The following TMEM117 variants were observed in gnomAD, a reference collection of about 807,000 sequenced individuals.
TMEM117 encodes transmembrane protein 117.
A neutral mutation model predicts 52.4 loss-of-function variants in TMEM117; 27 were observed. The ratio of observed to expected loss-of-function variants is 0.51; its 90% confidence interval spans 0.38 to 0.71. TMEM117 has a LOEUF of 0.71. Ranked by LOEUF, TMEM117 falls within the 30% of genes least tolerant of loss-of-function variation. TMEM117 has a pLI of 0.00. For synonymous variants in TMEM117, 215 were observed against 206.3 expected (o/e 1.04, Z -0.36); for missense variants, 556 against 630.5 (o/e 0.88, Z 1.26).
intron 3 of TMEM117, among the ~76,000 whole-genome samples, chr12:44,006,687 T>A (rs1946201993): frequency 2.0e-5 from 3 of 152,178 alleles, no homozygotes; most frequent in Admixed American, 2.0e-4. Flanking sequence ...AAACTTTGAA[T>A]AACCAGATAC....
chr12:44,128,372 C>G (rs1450938928), intron 3 of TMEM117, among the ~76,000 whole-genome samples: 1 of 152,242 alleles, frequency 6.6e-6, no homozygotes. Flanking sequence ...CTCTCATGCA[C>G]AACATTTTAC....
At chr12:43,874,033 T>C (rs1943750432) in intron 2 of TMEM117, among the ~76,000 whole-genome samples, 1 of 152,198 alleles carries the variant, frequency 6.6e-6, no homozygotes, top group Admixed American at 6.5e-5. Flanking sequence ...ATTCTAGTCT[T>C]ACATTTTAAC....
In TMEM117 at chr12:44,122,186, A is replaced by T. The variant is rs536738025; in HGVS notation, c.411-21339A>T. 2.0e-4 allele frequency among the ~76,000 whole-genome samples: 31 copies of T among 151,936 alleles called. 1 individual carries two copies. The highest frequency in any genetic ancestry group is 7.5e-4 in the African/African-American group (31 of 41,442). On this transcript the variant is annotated intron_variant, in intron 3 of 7. Transcript: ENST00000266534. ...CAGCCTCCCGAGTAGCTGGGATTAC[A>T]GGTGCCCACCACCATGCCTAGCTAA...
chr12:44,374,616 TTGTGTGTGTGTGTGTG>T (rs5742462), intron 6 of TMEM117, among the ~76,000 whole-genome samples: 8 of 144,806 alleles, frequency 5.5e-5, no homozygotes, highest in Admixed American at 4.9e-4. Flanking sequence ...AAGGAACTAT[TTGTGTGTGTGTGTGTG>T]TGTGTGTGTG....
At chr12:44,190,987 C>T (rs1403346941) in intron 4 of TMEM117, among the ~76,000 whole-genome samples, 1 of 149,524 alleles carries the variant, frequency 6.7e-6, no homozygotes, top group Middle Eastern at 3.2e-3. Flanking sequence ...AGTCTATTCT[C>T]ACACTGCTAA....
At chr12:44,224,086 C>G (rs943980585) in intron 5 of TMEM117, among the ~76,000 whole-genome samples, 2 of 152,078 alleles carry the variant, frequency 1.3e-5, no homozygotes, top group Admixed American at 1.3e-4. Flanking sequence ...GAAGAAAAGA[C>G]CTTTAACTTC....
chr12:44,398,803 T>A, the TMEM117 span, among the ~76,000 whole-genome samples: 1 of 152,338 alleles, frequency 6.6e-6, no homozygotes, highest in East Asian at 1.9e-4. Flanking sequence ...GCAGGGAAGA[T>A]TGCATTTGTT....
intron 6 of TMEM117, among the ~76,000 whole-genome samples, chr12:44,367,996 C>A (rs2138827170): frequency 6.6e-6 from 1 of 152,232 alleles, no homozygotes; most frequent in South Asian, 2.1e-4. Context: ...TTATAACTGT[C>A]CACATCTCTC....
At chr12:43,893,094 T>C (rs757043409) in intron 2 of TMEM117, among the ~76,000 whole-genome samples, 2 of 152,206 alleles carry the variant, frequency 1.3e-5, no homozygotes, top group African/African-American at 4.8e-5. Context: ...TTTGGTAAAA[T>C]AGGCAACAAA....
chr12:44,102,143 G>T (rs571413561), intron 3 of TMEM117, among the ~76,000 whole-genome samples: 1 of 151,968 alleles, frequency 6.6e-6, no homozygotes, highest in Non-Finnish European at 1.5e-5. Context: ...CCTGAAGGGA[G>T]ATATAAGAAA....
chr12:44,299,910 A>C (rs1950818219), intron 6 of TMEM117, among the ~76,000 whole-genome samples, 171 bp downstream of exon 6: 1 of 152,180 alleles, frequency 6.6e-6, no homozygotes, highest in African/African-American at 2.4e-5. Flanking sequence ...AGGGAAAGCC[A>C]ATTGGACTTT....
At chr12:43,943,805 G>A (rs1007889425) in intron 2 of TMEM117, among the ~76,000 whole-genome samples, 6 of 152,148 alleles carry the variant, frequency 3.9e-5, no homozygotes, top group African/African-American at 1.4e-4. Flanking sequence ...ATTGGGAATG[G>A]ATCTATAGAA....
chr12:43,944,184 A>G, intron 2 of TMEM117, 26 bp from the exon 3 acceptor site: 1 of 1,592,038 alleles, frequency 6.3e-7, no homozygotes, highest in Non-Finnish European at 8.6e-7. Context: ...AGTGTACATT[A>G]ATTTTTAATA....
At chr12:43,811,782 C>T in the TMEM117 span, among the ~76,000 whole-genome samples, 1 of 152,148 alleles carries the variant, frequency 6.6e-6, no homozygotes, top group East Asian at 1.9e-4. Flanking sequence ...ACATTCTTTG[C>T]ATGTAACTAG....
At chr12:44,355,410 A>G (rs1951632751) in intron 6 of TMEM117, among the ~76,000 whole-genome samples, 1 of 152,064 alleles carries the variant, frequency 6.6e-6, no homozygotes, top group Admixed American at 6.6e-5. Context: ...TGAGATACAC[A>G]GCATAACATA....
intron 6 of TMEM117, among the ~76,000 whole-genome samples, chr12:44,335,191 T>G (rs1565727658): frequency 6.6e-6 from 1 of 152,036 alleles, no homozygotes; most frequent in Non-Finnish European, 1.5e-5. Context: ...ATATGTGGCC[T>G]GAAGTCAGAT....
chr12:44,179,762 A>G (rs899489879), intron 4 of TMEM117, among the ~76,000 whole-genome samples: 22 of 152,180 alleles, frequency 1.4e-4, no homozygotes, highest in African/African-American at 5.3e-4. Context: ...GTTGACACCT[A>G]ATGTTAACCA....
At chr12:44,244,855 G>C (rs542612063) in intron 5 of TMEM117, among the ~76,000 whole-genome samples, 35 of 152,038 alleles carry the variant, frequency 2.3e-4, no homozygotes, top group African/African-American at 6.3e-4. Flanking sequence ...AACTCACTCT[G>C]TGTTGACTTT....
At chr12:43,801,840 G>A in the TMEM117 span, among the ~76,000 whole-genome samples, 1 of 151,996 alleles carries the variant, frequency 6.6e-6, no homozygotes, top group African/African-American at 2.4e-5. Context: ...GACCAGCCTG[G>A]GCAACACAGT....
Sources: allele counts gnomAD v4.1 joint callset (sites outside exome capture counted in the v4.1 genomes callset), GRCh38; gene constraint gnomAD v4.1.1; transcripts MANE v1.5; gene names NCBI Gene and HGNC (gene_info 2026-07-23, HGNC 2026-07-21).